ZNF536: variants seen among roughly 807,000 people sequenced by gnomAD.
The protein encoded by ZNF536 is zinc finger protein 536.
In ZNF536, 13 loss-of-function variants were observed where a neutral mutation model predicts 84.5. The observed-to-expected ratio is 0.15, with a 90% CI of 0.10 to 0.24. ZNF536 has a LOEUF of 0.24. Among genes scored for constraint, ZNF536 ranks in the 10% least tolerant of loss-of-function variants. The pLI is 1.00. For synonymous variants in ZNF536, 811 were observed against 742.5 expected, an observed-to-expected ratio of 1.09 and a Z score of -1.50; for missense variants, 1,536 against 1,747.5, an observed-to-expected ratio of 0.88 and a Z score of 2.16.
chr19:30,441,007 AG>A (rs1201070452), intron 1 of ZNF536, among the ~76,000 whole-genome samples: 1 of 152,208 alleles, frequency 6.6e-6, no homozygotes, highest in African/African-American at 2.4e-5. Flanking sequence ...TTATTTGACG[AG>A]TTGAGCTGTC....
At chr19:30,606,170 TAAATAAAATAAAATAAAATAAAATAATA>T (rs2047861987) in intron 1 of ZNF536, among the ~76,000 whole-genome samples, 1 of 101,626 alleles carries the variant, frequency 9.8e-6, no homozygotes, top group African/African-American at 3.9e-5. Context: ...TAAAATAAAA[TAAATAAAATAAAATAAAATAAAATAATA>T]AAATAAAATA....
At chr19:30,484,882 G>A (rs565980891) in intron 2 of ZNF536, among the ~76,000 whole-genome samples, 4 of 151,988 alleles carry the variant, frequency 2.6e-5, no homozygotes, top group East Asian at 2.0e-4. Flanking sequence ...GGTGGCTCAC[G>A]CCTGTAATCC....
At chr19:30,517,113 A>C (rs143448043) in intron 2 of ZNF536, among the ~76,000 whole-genome samples, 197 of 152,276 alleles carry the variant, frequency 1.3e-3, no homozygotes, top group African/African-American at 4.5e-3. Flanking sequence ...GGTTCTGAGC[A>C]CACGTTTCAG....
intron 1 of ZNF536, among the ~76,000 whole-genome samples, chr19:30,595,538 T>G: frequency 6.6e-6 from 1 of 152,144 alleles, no homozygotes; most frequent in East Asian, 1.9e-4. Context: ...TCCTCCCACC[T>G]TGGCCTCCCA....
chr19:30,454,353 T>A (rs966233109), intron 2 of ZNF536, among the ~76,000 whole-genome samples: 4 of 152,150 alleles, frequency 2.6e-5, no homozygotes, highest in Non-Finnish European at 4.4e-5. Flanking sequence ...CTTAGCACAG[T>A]GGTGGTCATC....
At chr19:30,297,038 C>T (rs2046019453) in intron 2 of ZNF536, among the ~76,000 whole-genome samples, 1 of 152,228 alleles carries the variant, frequency 6.6e-6, no homozygotes. Flanking sequence ...AGGCCCCAGC[C>T]AGGGAAGACC....
At chr19:30,551,525 C>A (rs1231382487) in intron 4 of ZNF536, among the ~76,000 whole-genome samples, 1 of 152,180 alleles carries the variant, frequency 6.6e-6, no homozygotes, top group Non-Finnish European at 1.5e-5. Flanking sequence ...CCAGTCCACC[C>A]TTCAGCCTTT....
intron 2 of ZNF536, among the ~76,000 whole-genome samples, chr19:30,311,499 C>G (rs1383773200): frequency 1.3e-5 from 2 of 152,194 alleles, no homozygotes; most frequent in Non-Finnish European, 1.5e-5. Context: ...TTAGCCTGCT[C>G]ACTGGATAAT....
intron 1 of ZNF536, among the ~76,000 whole-genome samples, chr19:30,647,345 C>T (rs1368364556): frequency 6.6e-6 from 1 of 152,168 alleles, no homozygotes; most frequent in Non-Finnish European, 1.5e-5. Context: ...GCCACTGGTG[C>T]TTCTCCCGTT....
intron 1 of ZNF536, among the ~76,000 whole-genome samples, chr19:30,618,909 G>T (rs1162248864): frequency 6.6e-6 from 1 of 151,852 alleles, no homozygotes; most frequent in Non-Finnish European, 1.5e-5. Context: ...CATCTTTGGG[G>T]TTTTGTTACT....
intron 1 of ZNF536, among the ~76,000 whole-genome samples, chr19:30,392,343 C>T (rs1038102207): frequency 6.6e-6 from 1 of 152,078 alleles, no homozygotes; most frequent in Non-Finnish European, 1.5e-5. Context: ...TAGGAGCAGC[C>T]GCCAAAGGGA....
At chr19:30,537,041 C>T (rs1026242217) in intron 3 of ZNF536, among the ~76,000 whole-genome samples, 2 of 152,180 alleles carry the variant, frequency 1.3e-5, no homozygotes, top group Non-Finnish European at 2.9e-5. Flanking sequence ...ACACACCATG[C>T]ATTTGTATTT....
intron 2 of ZNF536, among the ~76,000 whole-genome samples, chr19:30,340,401 C>G (rs2047528803): frequency 6.6e-6 from 1 of 152,192 alleles, no homozygotes; most frequent in Non-Finnish European, 1.5e-5. Context: ...CTGGACTCCC[C>G]CTACAGTGCT....
intron 2 of ZNF536, among the ~76,000 whole-genome samples, chr19:30,462,552 T>C (rs1042368352): frequency 6.6e-6 from 1 of 152,106 alleles, no homozygotes; most frequent in African/African-American, 2.4e-5. Flanking sequence ...TGAGTATGTG[T>C]ATTGATGTGT....
intron 2 of ZNF536, among the ~76,000 whole-genome samples, chr19:30,319,129 C>T (rs1270260499): frequency 6.6e-6 from 1 of 152,108 alleles, no homozygotes; most frequent in African/African-American, 2.4e-5. Context: ...AATAGAAGTC[C>T]GGGCATGGCC....
At chr19:30,497,644 T>C (rs1301520130) in intron 2 of ZNF536, among the ~76,000 whole-genome samples, 1 of 151,938 alleles carries the variant, frequency 6.6e-6, no homozygotes, top group African/African-American at 2.4e-5. Context: ...AGCAAGGGGG[T>C]GCCCCAGGGA....
At chr19:30,501,201 A>G (rs1183418759) in intron 2 of ZNF536, among the ~76,000 whole-genome samples, 3 of 152,240 alleles carry the variant, frequency 2.0e-5, no homozygotes, top group Non-Finnish European at 4.4e-5. Flanking sequence ...GCTCAATATC[A>G]TCATGCTAAG....
At chr19:30,478,060 G>T (rs532062504) in intron 2 of ZNF536, among the ~76,000 whole-genome samples, 3 of 151,820 alleles carry the variant, frequency 2.0e-5, no homozygotes, top group Non-Finnish European at 4.4e-5. Flanking sequence ...AGACCTCGGC[G>T]TCCTTGAAGG....
chr19:30,439,716 C>A (rs189533376), intron 1 of ZNF536, among the ~76,000 whole-genome samples: 7 of 152,012 alleles, frequency 4.6e-5, no homozygotes, highest in African/African-American at 1.7e-4. Context: ...GGACCAGTAT[C>A]CTGGAAGCAT....
Sources: gnomAD v4.1 joint callset for allele counts (sites outside exome capture counted in the v4.1 genomes callset) on GRCh38, gnomAD v4.1.1 for gene constraint, MANE v1.5 for transcripts, NCBI Gene and HGNC (gene_info 2026-07-23, HGNC 2026-07-21) for gene names.